XKR9: variants seen among roughly 807,000 people sequenced by gnomAD.
XKR9 encodes the protein XK-related protein 9.
A neutral mutation model predicts 32.0 loss-of-function variants in XKR9; 32 were observed. That is an observed-to-expected ratio of 1.00 (90% CI 0.76 to 1.34). XKR9 has a LOEUF of 1.34. XKR9 is among the 40% of genes most tolerant of loss of function. The pLI, the probability that XKR9 is intolerant of heterozygous loss-of-function variation, is 0.00. For missense variants in XKR9, 546 were observed against 429.7 expected (o/e 1.27, Z -2.39); for synonymous variants, 168 against 143.4 (o/e 1.17, Z -1.22).
the XKR9 span, among the ~76,000 whole-genome samples, chr8:70,910,006 C>A: frequency 6.6e-6 from 1 of 151,822 alleles, no homozygotes; most frequent in African/African-American, 2.4e-5. Context: ...CCATGACCGG[C>A]CTGATTTATC....
chr8:70,936,482 A>T, the XKR9 span, among the ~76,000 whole-genome samples: 1 of 152,178 alleles, frequency 6.6e-6, no homozygotes, highest in Admixed American at 6.6e-5. Context: ...TCTCTGTGGG[A>T]GAACTTAGAT....
the XKR9 span, among the ~76,000 whole-genome samples, chr8:71,055,500 G>A: frequency 6.6e-6 from 1 of 152,124 alleles, no homozygotes; most frequent in African/African-American, 2.4e-5. Context: ...GGGCTTCTAG[G>A]CATCAAGAGA....
chr8:70,820,993 A>C, the XKR9 span, among the ~76,000 whole-genome samples: 1 of 152,310 alleles, frequency 6.6e-6, no homozygotes, highest in African/African-American at 2.4e-5. Context: ...AGTCTTAATT[A>C]ATTCCAGCAT....
chr8:70,884,626 C>T, the XKR9 span, among the ~76,000 whole-genome samples: 1 of 151,928 alleles, frequency 6.6e-6, no homozygotes, highest in Non-Finnish European at 1.5e-5. Context: ...GTTCTAGAAC[C>T]ACTTGTTGAA....
intron 2 of XKR9, among the ~76,000 whole-genome samples, chr8:70,776,635 A>T (rs11992027): frequency 0.33 from 50,038 of 151,606 alleles, 9,384 homozygotes; most frequent in Non-Finnish European, 0.43. Context: ...ACTTGGCTGC[A>T]GGGAAAAGCC....
chr8:70,696,595 A>G (rs1805286128), intron 3 of XKR9, among the ~76,000 whole-genome samples: 1 of 147,902 alleles, frequency 6.8e-6, no homozygotes, highest in Non-Finnish European at 1.5e-5. Context: ...GCCTTGTAGT[A>G]TAGTTTGAAG....
the XKR9 span, among the ~76,000 whole-genome samples, chr8:70,963,986 AT>A: frequency 9.9e-3 from 1,509 of 152,124 alleles, 22 homozygotes; most frequent in African/African-American, 0.035. Context: ...CCATTTGTCA[AT>A]TTTTGCTTTT....
At chr8:70,774,210 G>T (rs566849577) in intron 2 of XKR9, among the ~76,000 whole-genome samples, 2 of 152,276 alleles carry the variant, frequency 1.3e-5, no homozygotes, top group South Asian at 2.1e-4. Context: ...TCATGATTGC[G>T]TAGAAAAAGG....
the XKR9 span, among the ~76,000 whole-genome samples, chr8:70,918,847 G>T: frequency 8.0e-6 from 1 of 124,694 alleles, no homozygotes; most frequent in African/African-American, 3.2e-5. Context: ...GCGCTGTCTC[G>T]GCTCACTGCA....
downstream of XKR9, among the ~76,000 whole-genome samples, chr8:70,738,190 A>G (rs1196970828): frequency 7.4e-6 from 1 of 135,288 alleles, no homozygotes; most frequent in Non-Finnish European, 1.7e-5. Flanking sequence ...TTCCTGGGTT[A>G]GTGTTGGGAG....
intron 2 of XKR9, among the ~76,000 whole-genome samples, chr8:70,771,579 A>G (rs1586892006): frequency 6.6e-6 from 1 of 152,180 alleles, no homozygotes; most frequent in South Asian, 2.1e-4. Context: ...ATATACTTCA[A>G]AAAATATTAT....
the XKR9 span, among the ~76,000 whole-genome samples, chr8:70,938,993 T>C: frequency 8.2e-5 from 11 of 134,332 alleles, no homozygotes; most frequent in Admixed American, 3.7e-4. Context: ...TTTCAGGGGG[T>C]GGTTTTGTCC....
At chr8:70,910,713 A>C in the XKR9 span, among the ~76,000 whole-genome samples, 1 of 152,210 alleles carries the variant, frequency 6.6e-6, no homozygotes, top group African/African-American at 2.4e-5. Context: ...ACAAGTTAGA[A>C]GTTTCAGTGG....
intron 4 of XKR9, among the ~76,000 whole-genome samples, chr8:70,720,727 C>T (rs1055714317): frequency 2.6e-5 from 4 of 152,078 alleles, no homozygotes; most frequent in African/African-American, 4.8e-5. Flanking sequence ...ATTTCTGCAT[C>T]GATGTTCATC....
At chr8:70,848,750 G>T in the XKR9 span, among the ~76,000 whole-genome samples, 3 of 134,838 alleles carry the variant, frequency 2.2e-5, no homozygotes, top group Admixed American at 8.0e-5. Flanking sequence ...AGATTTACCA[G>T]GCAAATGGAA....
chr8:70,998,993 T>C, the XKR9 span, among the ~76,000 whole-genome samples: 8 of 152,152 alleles, frequency 5.3e-5, no homozygotes, highest in East Asian at 1.3e-3. Flanking sequence ...GATGAAAAGT[T>C]GGTCCTCCAT....
the XKR9 span, among the ~76,000 whole-genome samples, chr8:70,901,985 T>G: frequency 6.6e-6 from 1 of 152,224 alleles, no homozygotes; most frequent in African/African-American, 2.4e-5. Context: ...GGGGTATTAT[T>G]TCTGAGGTCT....
chr8:70,889,473 C>T, the XKR9 span, among the ~76,000 whole-genome samples: 10 of 151,528 alleles, frequency 6.6e-5, no homozygotes, highest in South Asian at 1.9e-3. Flanking sequence ...GTGTGTAATG[C>T]TGAGGTTTAG....
the XKR9 span, among the ~76,000 whole-genome samples, chr8:70,853,309 T>C: frequency 6.6e-6 from 1 of 151,694 alleles, no homozygotes; most frequent in South Asian, 2.1e-4. Context: ...TAAAAAAAAA[T>C]AGTTAGAAAA....
Sources: allele counts gnomAD v4.1 joint callset (sites outside exome capture counted in the v4.1 genomes callset), GRCh38; gene constraint gnomAD v4.1.1; transcripts MANE v1.5; gene names NCBI Gene and HGNC (gene_info 2026-07-23, HGNC 2026-07-21).